GAP43: variants seen among roughly 807,000 people sequenced by gnomAD.
GAP43 encodes the protein neuromodulin.
GAP43 carries 6 observed loss-of-function variants against 18.6 expected under a neutral mutation model. The observed-to-expected ratio is 0.32, with a 90% CI of 0.18 to 0.64. GAP43 has a LOEUF of 0.64. Ranked by LOEUF, GAP43 falls within the 30% of genes least tolerant of loss-of-function variation. GAP43 has a pLI of 0.78. For missense variants in GAP43, 292 were observed against 295.5 expected (o/e 0.99, Z 0.09); for synonymous variants, 115 against 111.4 (o/e 1.03, Z -0.20).
At chr3:115,624,598 G>A (rs1270474424) in intron 1 of GAP43, among the ~76,000 whole-genome samples, 3 of 152,128 alleles carry the variant, frequency 2.0e-5, no homozygotes, top group Non-Finnish European at 4.4e-5. Context: ...TCATCAGGAA[G>A]AGGGACACAT....
At position 115,627,466 on chromosome 3, in the gene GAP43, G is replaced by A. The variant is rs1576974314; in HGVS notation, c.30+3747G>A. ...TTCACCGAGAGGGAGAGTGGCTTGG[G>A]GTCTCCTTTGCCTCTGTCATAGTGA... On this transcript the variant is annotated intron_variant, in intron 1 of 2. Transcript: ENST00000305124. 1.3e-5 allele frequency among the ~76,000 whole-genome samples: 2 copies of A among 151,666 alleles called. 1 individual carries two copies. The highest frequency in any genetic ancestry group is 4.8e-5 in the African/African-American group (2 of 41,354).
chr3:115,649,455 G>T (rs1269508150), intron 1 of GAP43, among the ~76,000 whole-genome samples: 2 of 152,052 alleles, frequency 1.3e-5, no homozygotes, highest in African/African-American at 2.4e-5. Flanking sequence ...TATTTTTCAA[G>T]GTAGGGAGAA....
At chr3:115,676,650 G>T (rs933444956) in intron 2 of GAP43, 40 bp downstream of exon 2, 3 of 1,505,288 alleles carry the variant, frequency 2.0e-6, no homozygotes, top group African/African-American at 1.4e-5. Context: ...GGTGGATGGG[G>T]AAGGGAGTTG....
Position 115,676,013 on chromosome 3 carries a change from G to C in GAP43, c.31G>C (p.Val11Leu), listed in dbSNP as rs201526194. The C allele has an allele frequency of 1.9e-6, 3 of 1,594,394 alleles. No individual in the cohort carries two copies. The highest frequency in any genetic ancestry group is 2.6e-6 in the Non-Finnish European group (3 of 1,172,126). The change falls in exon 2 of 3, where the codon GTT (valine) becomes CTT (leucine). Residue 11 changes from valine to leucine, a missense_variant and splice_region_variant. Val to Leu is a conservative substitution (Grantham distance 32). Transcript: ENST00000305124. ...CTTTTCCCTTCTTTTCTCGACAAAGGTTGAAAAAAATGATGACGACCAAAA... is the reference window on the plus strand; with the variant it reads ...CTTTTCCCTTCTTTTCTCGACAAAGCTTGAAAAAAATGATGACGACCAAAA... MLCCMRRTKQ[V>L]EKNDDDQKIE... is the part of the protein sequence containing the mutation.
At chr3:115,666,446 A>G (rs1708734594) in intron 1 of GAP43, among the ~76,000 whole-genome samples, 1 of 152,184 alleles carries the variant, frequency 6.6e-6, no homozygotes, top group East Asian at 1.9e-4. Context: ...TCTTATCAAC[A>G]TGCCTTAACT....
rs143624901 is a variant in GAP43 at position 115,699,081 on chromosome 3, T to C, written c.629-21713T>C. ...ATCTTATGTGGACAATTGTTGATTG[T>C]GTCTGTCTACCATGGAAAGATTTGG... On this transcript the variant is annotated intron_variant, in intron 2 of 2. Coordinates refer to ENST00000305124, the MANE Select transcript of GAP43 (RefSeq NM_002045.4). Among the ~76,000 whole-genome samples the C allele has an allele frequency of 1.1e-4, 17 of 152,314 alleles. No individual in the cohort carries two copies. The East Asian group carries it at 3.1e-3, about 28-fold the overall frequency.
chr3:115,656,296 G>C (rs868645255), intron 1 of GAP43, among the ~76,000 whole-genome samples: 70 of 152,278 alleles, frequency 4.6e-4, no homozygotes, highest in African/African-American at 1.5e-3. Flanking sequence ...GAGGTAATGG[G>C]GTAGAAATAG....
chr3:115,662,172 A>G (rs1286977538), intron 1 of GAP43, among the ~76,000 whole-genome samples: 2 of 152,170 alleles, frequency 1.3e-5, no homozygotes, highest in Non-Finnish European at 2.9e-5. Flanking sequence ...TGAGAATAGT[A>G]CTTCTAGGTA....
Position 115,623,614 on chromosome 3 carries a change from G to A in GAP43, c.-76G>A, listed in dbSNP as rs1270354695. The A allele has an allele frequency of 1.3e-6, 2 of 1,579,656 alleles. No individual in the cohort carries two copies. Among genetic ancestry groups the A allele is most frequent in the Non-Finnish European group, 8.7e-7 (1 of 1,149,766 alleles). ...CGAGTGAGCAAGCGAGCAGAAAAGA[G>A]GTGGAGAGGGGGGGAATAAGAAAGA... On this transcript the variant is annotated 5_prime_UTR_variant, in exon 1 of 3. Transcript: ENST00000305124.
chr3:115,690,915 C>T (rs1208536842), intron 2 of GAP43, among the ~76,000 whole-genome samples: 2 of 151,974 alleles, frequency 1.3e-5, no homozygotes, highest in Non-Finnish European at 1.5e-5. Flanking sequence ...GCCACCATGC[C>T]CGGCTAACTT....
At chr3:115,704,225 G>T (rs1266086183) in intron 2 of GAP43, among the ~76,000 whole-genome samples, 2 of 152,034 alleles carry the variant, frequency 1.3e-5, no homozygotes, top group Admixed American at 6.6e-5. Flanking sequence ...TGGCACTGGA[G>T]GTGAAGGGGG....
intron 2 of GAP43, among the ~76,000 whole-genome samples, chr3:115,716,717 A>AATATATATATAT (rs3995850): frequency 6.8e-5 from 3 of 43,890 alleles, no homozygotes; most frequent in African/African-American, 1.5e-4. Flanking sequence ...ATCTCAGACA[A>AATATATATATAT]ATATATATAT....
At chr3:115,716,901 T>C (rs1281384504) in intron 2 of GAP43, among the ~76,000 whole-genome samples, 1 of 151,656 alleles carries the variant, frequency 6.6e-6, no homozygotes, top group Non-Finnish European at 1.5e-5. Flanking sequence ...CCAACAATTT[T>C]TTAATCTCCA....
chr3:115,666,641 C>T (rs1708737381), intron 1 of GAP43, among the ~76,000 whole-genome samples: 1 of 151,992 alleles, frequency 6.6e-6, no homozygotes, highest in African/African-American at 2.4e-5. Context: ...TTTTTTTATT[C>T]CCTCATCCTG....
At chr3:115,645,403 C>T (rs566835068) in intron 1 of GAP43, among the ~76,000 whole-genome samples, 2 of 152,074 alleles carry the variant, frequency 1.3e-5, no homozygotes, top group African/African-American at 4.8e-5. Context: ...CTTTACCCCT[C>T]ATTATTCAAA....
At chr3:115,658,041 T>A (rs1279061414) in intron 1 of GAP43, among the ~76,000 whole-genome samples, 2 of 152,160 alleles carry the variant, frequency 1.3e-5, no homozygotes, top group African/African-American at 4.8e-5. Flanking sequence ...ACCTTAGACA[T>A]ATAAAAAAGC....
intron 1 of GAP43, among the ~76,000 whole-genome samples, chr3:115,643,534 C>A (rs73238880): frequency 0.034 from 5,153 of 152,096 alleles, 139 homozygotes; most frequent in Non-Finnish European, 0.052. Flanking sequence ...TGGATTATTG[C>A]AATAGCCTGG....
chr3:115,637,602 T>G (rs957038993), intron 1 of GAP43, among the ~76,000 whole-genome samples: 6 of 152,102 alleles, frequency 3.9e-5, no homozygotes, highest in Non-Finnish European at 8.8e-5. Context: ...TTGCATGTTC[T>G]TACTCAACAC....
intron 1 of GAP43, among the ~76,000 whole-genome samples, chr3:115,674,435 G>A (rs1708855031): frequency 6.6e-6 from 1 of 152,118 alleles, no homozygotes; most frequent in African/African-American, 2.4e-5. Context: ...CCTATCCTCT[G>A]AATTAATTTT....
Sources: gnomAD v4.1 joint callset for allele counts (sites outside exome capture counted in the v4.1 genomes callset) on GRCh38, gnomAD v4.1.1 for gene constraint, MANE v1.5 for transcripts, NCBI Gene and HGNC (gene_info 2026-07-23, HGNC 2026-07-21) for gene names.